ABCA8: variants seen among roughly 807,000 people sequenced by gnomAD.
The protein encoded by ABCA8 is ABC-type organic anion transporter ABCA8.
A neutral mutation model predicts 192.3 loss-of-function variants in ABCA8; 177 were observed. That is an observed-to-expected ratio of 0.92 (90% CI 0.81 to 1.04). ABCA8 has a LOEUF of 1.04. ABCA8 is among the 50% of genes least tolerant of loss of function. The pLI is 0.00. For synonymous variants in ABCA8, 642 were observed against 690.2 expected (o/e 0.93, Z 1.09); for missense variants, 1,915 against 1,904.8 (o/e 1.01, Z -0.10).
chr17:68,894,539 T>C (rs1216187472), intron 22 of ABCA8, among the ~76,000 whole-genome samples: 1 of 152,206 alleles, frequency 6.6e-6, no homozygotes, highest in African/African-American at 2.4e-5. Flanking sequence ...ACCGGATGTC[T>C]TGCTTGAGGC....
At chr17:68,947,154 C>T (rs2143803667) in intron 2 of ABCA8, among the ~76,000 whole-genome samples, 1 of 152,162 alleles carries the variant, frequency 6.6e-6, no homozygotes, top group South Asian at 2.1e-4. Context: ...TTTATTGATT[C>T]ATTCAGATAT....
chr17:68,901,533 C>T (rs750245171), intron 21 of ABCA8, among the ~76,000 whole-genome samples: 13 of 152,146 alleles, frequency 8.5e-5, no homozygotes, highest in East Asian at 1.9e-4. Context: ...TGAGGCCGGG[C>T]GCGGTGGCTC....
intron 38 of ABCA8, among the ~76,000 whole-genome samples, chr17:68,869,089 C>A (rs1333909860): frequency 1.3e-5 from 2 of 152,128 alleles, no homozygotes; most frequent in African/African-American, 2.4e-5. Context: ...AGATCTGAAT[C>A]TCTTCCTTAG....
In ABCA8 at chr17:68,940,973, C is replaced by A. The variant is rs376213346; in HGVS notation, c.97-11G>T. 1.3e-6 allele frequency: 2 copies of A among 1,562,982 alleles called. No individual in the cohort carries two copies. Among genetic ancestry groups the A allele is most frequent in the Admixed American group, 1.7e-5 (1 of 57,664 alleles). The stretch of plus-strand genomic sequence containing the variant: ...TGAATTCAGCCATTCCTATATAATA[C>A]AGGAAAAAAGATAAAGAAAAGTCTT... On this transcript the variant is annotated splice_polypyrimidine_tract_variant and intron_variant, in intron 3 of 39. Transcript: ENST00000586539.
chr17:68,884,733 T>C (rs2066418530), intron 27 of ABCA8: 1 of 1,051,122 alleles, frequency 9.5e-7, no homozygotes, highest in Non-Finnish European at 1.1e-6. Flanking sequence ...GTGGGGCCCC[T>C]TCTCTTCCTT....
intron 15 of ABCA8, 111 bp from the exon 16 acceptor site, chr17:68,918,296 T>C (rs1729055437): frequency 2.7e-6 from 4 of 1,480,804 alleles, no homozygotes; most frequent in Admixed American, 4.2e-5. Context: ...GGTTAGGATT[T>C]AGATACTCTA....
At chr17:68,890,772 G>A (rs1477147113) in intron 24 of ABCA8, among the ~76,000 whole-genome samples, 1 of 152,196 alleles carries the variant, frequency 6.6e-6, no homozygotes, top group Admixed American at 6.5e-5. Flanking sequence ...GCCCACCTCG[G>A]TTTCCCAAAG....
At chr17:68,876,824 G>C (rs2066220595) in intron 33 of ABCA8, 121 bp from the exon 34 acceptor site, 7 of 1,190,902 alleles carry the variant, frequency 5.9e-6, no homozygotes, top group East Asian at 4.9e-5. Flanking sequence ...ATGTGGTCGG[G>C]GGGCAGGGAA....
chr17:68,913,111 C>A (rs985008013), intron 17 of ABCA8, among the ~76,000 whole-genome samples: 1 of 151,736 alleles, frequency 6.6e-6, no homozygotes, highest in Non-Finnish European at 1.5e-5. Context: ...GGAAACTATA[C>A]AAACACATGG....
intron 1 of ABCA8, among the ~76,000 whole-genome samples, chr17:68,953,875 A>G (rs1389952815): frequency 3.9e-5 from 6 of 152,114 alleles, no homozygotes; most frequent in East Asian, 1.9e-4. Context: ...TACTGATGCA[A>G]TTATCTATAG....
At chr17:68,875,527 C>G in intron 36 of ABCA8, 87 bp downstream of exon 36, 1 of 1,588,976 alleles carries the variant, frequency 6.3e-7, no homozygotes, top group Non-Finnish European at 8.6e-7. Flanking sequence ...GTCATTTCAG[C>G]TGTTTTCAGT....
chr17:68,919,645 C>T lies in ABCA8; in HGVS notation c.1613-169G>A, dbSNP rs375370200. ...ATTCAAAATATGTTCTCATCTGCAG[C>T]TTTTCCCATCAAGGTGTAGTCCCTT... On this transcript the variant is annotated intron_variant, in intron 13 of 39. Transcript: ENST00000586539. 2.8e-4 allele frequency: 166 copies of T among 588,178 alleles called. No homozygotes were observed. The East Asian group carries it at 4.5e-3, about 16-fold the overall frequency. The allele number at this position is 588,178 out of a possible 1,614,324, so 36.4% of individuals were successfully genotyped here.
At chr17:68,869,347 C>T (rs1332030717) in intron 38 of ABCA8, among the ~76,000 whole-genome samples, 2 of 152,040 alleles carry the variant, frequency 1.3e-5, no homozygotes, top group Non-Finnish European at 1.5e-5. Flanking sequence ...AAATAATATG[C>T]CAGTCCACGG....
rs577299472 is a variant in ABCA8 at position 68,937,095 on chromosome 17, G to T, written c.322C>A (p.Pro108Thr). ...AATTCTTTAATACTTTCCTCATCTGGCAGTCCCAAGACCTCTTTACCTTTT... is the reference window on the plus strand; with the variant it reads ...AATTCTTTAATACTTTCCTCATCTGTCAGTCCCAAGACCTCTTTACCTTTT... The part of the protein sequence containing the change: ...FLAGKEVLGL[P>T]DEESIKEFTA... Residue 108 changes from proline to threonine, a missense_variant, in exon 5 of 40, where the codon CCA (proline) becomes ACA (threonine). By Grantham distance (38) the Pro-to-Thr change is conservative. Transcript: ENST00000586539. 2 of 1,606,054 alleles carry T rather than the reference G, an allele frequency of 1.2e-6. No individual in the cohort carries two copies. The highest frequency in any genetic ancestry group is 1.1e-5 in the South Asian group (1 of 89,780).
intron 4 of ABCA8, among the ~76,000 whole-genome samples, chr17:68,939,996 G>C (rs959537390): frequency 2.0e-5 from 3 of 152,066 alleles, no homozygotes; most frequent in African/African-American, 7.2e-5. Flanking sequence ...TATCACAGCA[G>C]TTCTGAGTGG....
chr17:68,946,113 G>A lies in ABCA8; in HGVS notation c.-6+3199C>T, dbSNP rs529780698. Reference sequence around the variant, plus strand: ...GATGGAGTCTCACTGTGTGGCCCAGGCTAGAGTGCAGGGGCGCCATCTTGG... The same window carrying A: ...GATGGAGTCTCACTGTGTGGCCCAGACTAGAGTGCAGGGGCGCCATCTTGG... On this transcript the variant is annotated intron_variant, in intron 2 of 39. Coordinates refer to ENST00000586539, the MANE Select transcript of ABCA8 (RefSeq NM_001288985.2). 3.3e-5 allele frequency among the ~76,000 whole-genome samples: 5 copies of A among 151,780 alleles called. No homozygotes were observed. In the South Asian group the frequency reaches 1.0e-3, roughly 32 times the overall value.
chr17:68,873,562 C>T (rs538628414), intron 37 of ABCA8, among the ~76,000 whole-genome samples: 6 of 152,190 alleles, frequency 3.9e-5, no homozygotes, highest in South Asian at 2.1e-4. Flanking sequence ...TATATCATCC[C>T]GCTTGTTTAT....
intron 26 of ABCA8, 79 bp from the exon 27 acceptor site, chr17:68,885,394 AT>A: frequency 7.2e-7 from 1 of 1,394,804 alleles, no homozygotes; most frequent in Non-Finnish European, 9.7e-7. Context: ...TCTTGAAGAT[AT>A]TACTAATTTC....
intron 16 of ABCA8, 130 bp from the exon 17 acceptor site, chr17:68,917,581 C>A: frequency 1.7e-6 from 1 of 595,906 alleles, no homozygotes; most frequent in South Asian, 2.6e-5. Context: ...ATGCAGGACT[C>A]GATAAGGACT....
Sources: gnomAD v4.1 joint callset for allele counts (sites outside exome capture counted in the v4.1 genomes callset) on GRCh38, gnomAD v4.1.1 for gene constraint, MANE v1.5 for transcripts, NCBI Gene and HGNC (gene_info 2026-07-23, HGNC 2026-07-21) for gene names.